UBAP2: variants seen among roughly 807,000 people sequenced by gnomAD.
UBAP2 encodes the protein ubiquitin-associated protein 2.
In UBAP2, 75 loss-of-function variants were observed where a neutral mutation model predicts 139.6. The ratio of observed to expected loss-of-function variants is 0.54; its 90% CI spans 0.45 to 0.65. The LOEUF is 0.65. Ranked by LOEUF, UBAP2 falls within the 30% of genes least tolerant of loss-of-function variation. The pLI, the probability that UBAP2 is intolerant of heterozygous loss-of-function variation, is 0.00. For synonymous variants in UBAP2, 526 were observed against 526.2 expected, an observed-to-expected ratio of 1.00 and a Z score of 0.01; for missense variants, 1,368 against 1,369.6, an observed-to-expected ratio of 1.00 and a Z score of 0.02.
chr9:33,941,911 T>G, intron 15 of UBAP2, 49 bp from the exon 16 acceptor site: 2 of 1,333,840 alleles, frequency 1.5e-6, no homozygotes, highest in Non-Finnish European at 2.1e-6. Context: ...TTTAAATAGC[T>G]TCATAAAAAA....
At chr9:34,045,222 A>T (rs1204009861) in intron 1 of UBAP2, among the ~76,000 whole-genome samples, 1 of 151,238 alleles carries the variant, frequency 6.6e-6, no homozygotes. Flanking sequence ...GGCAGGCGCC[A>T]GTAGTCCCAG....
At chr9:33,954,606 G>T (rs1826398343) in intron 11 of UBAP2, among the ~76,000 whole-genome samples, 1 of 152,068 alleles carries the variant, frequency 6.6e-6, no homozygotes, top group African/African-American at 2.4e-5. Flanking sequence ...CAGATTACAG[G>T]ACAATTCAAG....
chr9:33,922,484 C>T lies in UBAP2; in HGVS notation c.*20G>A, dbSNP rs1015319543. ...CTGCCCAGGATAAGCCTTGCCCCAGCCCACCCCTCTCTTCTGGGTTTAGTT... is the reference window on the plus strand; with the variant it reads ...CTGCCCAGGATAAGCCTTGCCCCAGTCCACCCCTCTCTTCTGGGTTTAGTT... On this transcript the variant is annotated 3_prime_UTR_variant, in exon 29 of 29. Transcript: ENST00000379238. 2 of 1,610,494 alleles carry T rather than the reference C, an allele frequency of 1.2e-6. No individual in the cohort carries two copies. Among genetic ancestry groups the T allele is most frequent in the Middle Eastern group, 1.6e-4 (1 of 6,074 alleles).
chr9:33,990,593 T>G (rs1821616445), intron 4 of UBAP2, among the ~76,000 whole-genome samples: 1 of 151,750 alleles, frequency 6.6e-6, no homozygotes, highest in African/African-American at 2.4e-5. Flanking sequence ...AGCATGCATC[T>G]ATTGTAACCT....
chr9:34,028,096 G>A (rs1285509363), intron 1 of UBAP2, among the ~76,000 whole-genome samples: 1 of 151,764 alleles, frequency 6.6e-6, no homozygotes, highest in East Asian at 1.9e-4. Context: ...CAGGCCTCTA[G>A]CAGCTGATGG....
intron 10 of UBAP2, among the ~76,000 whole-genome samples, chr9:33,958,809 TTTGGGGCTGGAG>T: frequency 6.8e-6 from 1 of 146,088 alleles, no homozygotes; most frequent in East Asian, 2.0e-4. Flanking sequence ...AGCACAGGAG[TTTGGGGCTGGAG>T]TGAGCTGGCC....
intron 22 of UBAP2, among the ~76,000 whole-genome samples, chr9:33,925,731 C>T (rs1021185834): frequency 1.1e-4 from 16 of 152,232 alleles, no homozygotes; most frequent in African/African-American, 3.9e-4. Context: ...TCCGTCAGCT[C>T]TTTGTGGTGC....
chr9:33,959,793 G>A (rs532360751), intron 10 of UBAP2, among the ~76,000 whole-genome samples: 6 of 152,186 alleles, frequency 3.9e-5, no homozygotes, highest in Admixed American at 3.3e-4. Flanking sequence ...TTTCAACTGT[G>A]ATCCAAAATA....
intron 11 of UBAP2, among the ~76,000 whole-genome samples, chr9:33,954,504 C>G (rs1826387369): frequency 6.6e-6 from 1 of 152,108 alleles, no homozygotes. Flanking sequence ...CACCGTATTA[C>G]CTAACCTTGT....
chr9:33,942,159 A>G, intron 15 of UBAP2, among the ~76,000 whole-genome samples: 1 of 152,022 alleles, frequency 6.6e-6, no homozygotes, highest in Non-Finnish European at 1.5e-5. Context: ...TAAAAATACA[A>G]AAATTAGCAG....
intron 2 of UBAP2, among the ~76,000 whole-genome samples, chr9:34,012,568 ATAAG>A (rs1033595587): frequency 2.6e-5 from 4 of 151,264 alleles, no homozygotes; most frequent in Non-Finnish European, 5.9e-5. Context: ...TTGAAAAAAT[ATAAG>A]TATGGTCTGT....
At chr9:34,036,806 C>CT (rs869116521) in intron 1 of UBAP2, among the ~76,000 whole-genome samples, 24,196 of 99,452 alleles carry the variant, frequency 0.24, 3,130 homozygotes, top group South Asian at 0.39. Flanking sequence ...AAGTTTTTCT[C>CT]TTTTTTTTTT....
chr9:33,956,793 A>G (rs544169), intron 10 of UBAP2, among the ~76,000 whole-genome samples: 48,505 of 151,956 alleles, frequency 0.32, 8,381 homozygotes, highest in African/African-American at 0.45. Context: ...CAATAAACCC[A>G]CCAACAATGC....
chr9:34,003,123 C>A (rs939201468), intron 2 of UBAP2, among the ~76,000 whole-genome samples: 1 of 151,558 alleles, frequency 6.6e-6, no homozygotes, highest in Non-Finnish European at 1.5e-5. Context: ...GTGCTCTCGG[C>A]TCGCTGCAAC....
intron 2 of UBAP2, among the ~76,000 whole-genome samples, chr9:34,005,434 CAAAAAAAAAAAAA>C (rs36086568): frequency 1.2e-5 from 1 of 86,306 alleles, no homozygotes; most frequent in Non-Finnish European, 2.2e-5. Context: ...GACCCTGTCT[CAAAAAAAAAAAAA>C]AAAAAAAAAA....
At chr9:34,048,333 T>C (rs938342083) in intron 1 of UBAP2, among the ~76,000 whole-genome samples, 1 of 152,098 alleles carries the variant, frequency 6.6e-6, no homozygotes, top group Non-Finnish European at 1.5e-5. Flanking sequence ...GAAGTAGAAC[T>C]GAACTGTGAC....
intron 10 of UBAP2, among the ~76,000 whole-genome samples, chr9:33,959,986 A>G (rs1164597140): frequency 2.6e-5 from 4 of 152,096 alleles, no homozygotes; most frequent in Non-Finnish European, 4.4e-5. Flanking sequence ...CACCCAGGCT[A>G]GAGGGCGGTC....
At chr9:33,926,339 G>T (rs1824208914) in intron 22 of UBAP2, among the ~76,000 whole-genome samples, 1 of 152,194 alleles carries the variant, frequency 6.6e-6, no homozygotes, top group Non-Finnish European at 1.5e-5. Flanking sequence ...GAGGAGGGAA[G>T]ATAAGGACCA....
At chr9:33,928,089 G>A in intron 19 of UBAP2, 97 bp from the exon 20 acceptor site, 3 of 1,318,092 alleles carry the variant, frequency 2.3e-6, no homozygotes, top group Non-Finnish European at 3.1e-6. Flanking sequence ...TCTCAAGGCT[G>A]AGCAGGCAGG....
Sources: gnomAD v4.1 joint callset for allele counts (sites outside exome capture counted in the v4.1 genomes callset) on GRCh38, gnomAD v4.1.1 for gene constraint, MANE v1.5 for transcripts, NCBI Gene and HGNC (gene_info 2026-07-23, HGNC 2026-07-21) for gene names.